The following OR2V2 variants were observed in gnomAD, a reference collection of about 807,000 sequenced individuals.
OR2V2 encodes olfactory receptor 2V2.
For missense variants in OR2V2, 392 were observed against 392.2 expected (o/e 1.00, Z 0.00); for synonymous variants, 161 against 151.3 (o/e 1.06, Z -0.47).
chr5:181,152,626 C>G (rs1419978744), intron 1 of OR2V2, among the ~76,000 whole-genome samples: 3 of 152,218 alleles, frequency 2.0e-5, no homozygotes, highest in Non-Finnish European at 2.9e-5. Flanking sequence ...CAGGGACAAC[C>G]TCGGTGATGA....
Position 181,156,039 on chromosome 5 carries a change from G to GTTCTTTTTCTTTCTTTCTTTCTTTCT in OR2V2, c.*155_*156insTTCTTTCTTTCTTTCTTTCTTTCTTT. The stretch of plus-strand genomic sequence containing the variant: ...GAAGGTCTTTTTAAACACTACATCA[G>GTTCTTTTTCTTTCTTTCTTTCTTTCT]TTCTTTCTTTCTTTCTTTCTTTCTT... On this transcript the variant is annotated 3_prime_UTR_variant, in exon 2 of 2. Coordinates refer to ENST00000641492, the MANE Select transcript of OR2V2 (RefSeq NM_206880.2). The GTTCTTTTTCTTTCTTTCTTTCTTTCT allele has an allele frequency of 2.0e-6, 1 of 493,946 alleles. No individual in the cohort carries two copies. The allele number at this position is 493,946 out of a possible 1,614,324, so 30.6% of individuals were successfully genotyped here.
chr5:181,148,904 T>C (rs1047437834), intron 1 of OR2V2, among the ~76,000 whole-genome samples: 1 of 152,132 alleles, frequency 6.6e-6, no homozygotes, highest in Non-Finnish European at 1.5e-5. Flanking sequence ...CCGAGGCCCT[T>C]GGATTGGCCT....
At chr5:181,151,813 C>G (rs1236283933) in intron 1 of OR2V2, among the ~76,000 whole-genome samples, 1 of 151,818 alleles carries the variant, frequency 6.6e-6, no homozygotes, top group African/African-American at 2.4e-5. Flanking sequence ...GTTCAAAACC[C>G]TGTCTCTATG....
rs1470861228 is a variant in OR2V2, at chr5:181,158,556, G to A, written c.*2666G>A. 2 of 152,212 alleles carry A rather than the reference G, an allele frequency of 1.3e-5. No individual in the cohort carries two copies. The highest frequency in any genetic ancestry group is 2.9e-5 in the Non-Finnish European group (2 of 68,038). The allele number at this position is 152,212 out of a possible 1,614,324, so 9.4% of individuals were successfully genotyped here. A position where few individuals can be genotyped will look rare whatever the true frequency, so the allele number is the denominator to read the frequency against. On this transcript the variant is annotated 3_prime_UTR_variant, in exon 2 of 2. Transcript: ENST00000641492. Reference sequence around the variant, plus strand: ...GCGGAAGGATTGCTTGAGCTTAGGAGGCTGAGGCTGCAATGACCCATGATC... The same window carrying A: ...GCGGAAGGATTGCTTGAGCTTAGGAAGCTGAGGCTGCAATGACCCATGATC...
intron 1 of OR2V2, among the ~76,000 whole-genome samples, chr5:181,149,656 C>T (rs765943283): frequency 1.3e-5 from 2 of 152,178 alleles, no homozygotes; most frequent in Admixed American, 6.5e-5. Context: ...CTTCCTTCCG[C>T]GGAGGACACA....
intron 1 of OR2V2, among the ~76,000 whole-genome samples, chr5:181,149,101 T>C (rs1763161884): frequency 6.6e-6 from 1 of 152,158 alleles, no homozygotes; most frequent in Non-Finnish European, 1.5e-5. Context: ...CCCAGTGCTA[T>C]GTGACAGTAG....
Position 181,155,550 on chromosome 5 carries a change from G to A in OR2V2, c.608G>A (p.Cys203Tyr), listed in dbSNP as rs1291596940. Residue 203 changes from cysteine to tyrosine, a missense_variant, in exon 2 of 2, where the codon TGC becomes TAC. Physicochemically the swap from Cys to Tyr is radical, Grantham distance 194. Transcript: ENST00000641492. ...TSLFEKVIFA[C>Y]CVFMLLFPFS... is the part of the protein sequence containing the mutation. ...CTGTTTGAGAAGGTGATATTTGCTT[G>A]CTGTGTCTTCATGCTTCTCTTCCCA... The A allele has an allele frequency of 1.2e-6, 2 of 1,614,086 alleles. No homozygotes were observed. The highest frequency in any genetic ancestry group is 4.5e-5 in the East Asian group (2 of 44,900).
chr5:181,152,007 G>C (rs1185579773), intron 1 of OR2V2, among the ~76,000 whole-genome samples: 1 of 148,634 alleles, frequency 6.7e-6, no homozygotes, highest in Non-Finnish European at 1.5e-5. Context: ...AAAAATCAAA[G>C]GCTTTGGGTT....
Position 181,148,793 on chromosome 5 carries a change from G to C in OR2V2, c.-25+798G>C, listed in dbSNP as rs146041746. ...AGGAGGAAGGATTTCAACTCTAAAT[G>C]GGTGCTGAAGGGAGGCCTTGCCAAG... On this transcript the variant is annotated intron_variant, in intron 1 of 1. Coordinates refer to ENST00000641492, the MANE Select transcript of OR2V2 (RefSeq NM_206880.2). 4.7e-4 allele frequency among the ~76,000 whole-genome samples: 71 copies of C among 152,310 alleles called. No individual in the cohort carries two copies. The East Asian group carries it at 0.012, about 26-fold the overall frequency.
At chr5:181,152,954 T>G (rs1226573831) in intron 1 of OR2V2, among the ~76,000 whole-genome samples, 1 of 152,240 alleles carries the variant, frequency 6.6e-6, no homozygotes, top group Non-Finnish European at 1.5e-5. Context: ...GTTGGAGCTA[T>G]TTGTTACAAA....
At chr5:181,154,519 G>T (rs1010891276) in intron 1 of OR2V2, among the ~76,000 whole-genome samples, 2 of 152,054 alleles carry the variant, frequency 1.3e-5, no homozygotes, top group Middle Eastern at 6.8e-3. Flanking sequence ...GAACCCTGGA[G>T]GGGGAGGTTG....
In OR2V2 at chr5:181,156,133, T is replaced by G. The variant is rs6876082; in HGVS notation, c.*243T>G. The stretch of plus-strand genomic sequence containing the variant: ...TTCTCTTTCTTTCTTTTTCTTTCAG[T>G]TCTTACTCTGTCACCCAGGCTAGAG... On this transcript the variant is annotated 3_prime_UTR_variant, in exon 2 of 2. Transcript: ENST00000641492. 0.089 allele frequency: 41,955 copies of G among 473,452 alleles called. 3,320 individuals carry two copies. Among genetic ancestry groups the G allele is most frequent in the African/African-American group, 0.29 (14,813 of 50,740 alleles). The allele number at this position is 473,452 out of a possible 1,614,324, so 29.3% of individuals were successfully genotyped here. A position where few individuals can be genotyped will look rare whatever the true frequency, so the allele number is the denominator to read the frequency against.
chr5:181,150,055 G>A (rs923804739), intron 1 of OR2V2, among the ~76,000 whole-genome samples: 2 of 152,178 alleles, frequency 1.3e-5, no homozygotes, highest in South Asian at 2.1e-4. Flanking sequence ...GTTGGGCCTC[G>A]GGCCCCTATG....
chr5:181,156,337 C>G lies in OR2V2; in HGVS notation c.*447C>G, dbSNP rs534538022. ...TTTACTATGTTGCCCAGGCTGGTCT[C>G]GAACTCCTGGACTCAAGCAATCCAC... is the stretch of plus-strand genomic sequence containing the variant. On this transcript the variant is annotated 3_prime_UTR_variant, in exon 2 of 2. Coordinates refer to ENST00000641492, the MANE Select transcript of OR2V2 (RefSeq NM_206880.2). The G allele has an allele frequency of 3.2e-5, 5 of 156,746 alleles. No homozygotes were observed. The highest frequency in any genetic ancestry group is 9.6e-5 in the African/African-American group (4 of 41,472). 9.7% of individuals were successfully genotyped at this position (156,746 alleles called of 1,614,324 possible).
In OR2V2 at chr5:181,157,845, C is replaced by T. The variant is rs924663632; in HGVS notation, c.*1955C>T. 5.3e-5 allele frequency: 8 copies of T among 152,156 alleles called. No homozygotes were observed. The highest frequency in any genetic ancestry group is 3.9e-4 in the East Asian group (2 of 5,192). The allele number at this position is 152,156 out of a possible 1,614,324, so 9.4% of individuals were successfully genotyped here. A position where few individuals can be genotyped will look rare whatever the true frequency, so the allele number is the denominator to read the frequency against. ...CTCTGGGATTTTGCACCCTTCAACCCGTAAGTACCTTGAGTGTTTCAACCA... is the reference window on the plus strand; with the variant it reads ...CTCTGGGATTTTGCACCCTTCAACCTGTAAGTACCTTGAGTGTTTCAACCA... On this transcript the variant is annotated 3_prime_UTR_variant, in exon 2 of 2. Coordinates refer to ENST00000641492, the MANE Select transcript of OR2V2 (RefSeq NM_206880.2).
intron 1 of OR2V2, among the ~76,000 whole-genome samples, chr5:181,153,168 G>A (rs1390891043): frequency 6.6e-6 from 1 of 152,230 alleles, no homozygotes; most frequent in Non-Finnish European, 1.5e-5. Context: ...AGGCTCAGCC[G>A]GGTGAGAGCG....
rs971433506 is a variant in OR2V2, at chr5:181,157,015, C to T, written c.*1125C>T. 9 of 152,364 alleles carry T rather than the reference C, an allele frequency of 5.9e-5. No homozygotes were observed. The highest frequency in any genetic ancestry group is 2.1e-4 in the South Asian group (1 of 4,828). 9.4% of individuals were successfully genotyped at this position (152,364 alleles called of 1,614,324 possible). A position where few individuals can be genotyped will look rare whatever the true frequency, so the allele number is the denominator to read the frequency against. On this transcript the variant is annotated 3_prime_UTR_variant, in exon 2 of 2. Coordinates refer to ENST00000641492, the MANE Select transcript of OR2V2 (RefSeq NM_206880.2). ...AAAACTGGCTGAACTCCTTCCCCTT[C>T]GGGGAATGAAGACTGGAGCATGGTG... is the stretch of plus-strand genomic sequence containing the variant.
rs1233644478 is a variant in OR2V2 at position 181,155,400 on chromosome 5, G to A, written c.458G>A (p.Gly153Glu). ...LQITGSSWAF[G>E]IIDGLIQMVV... ...ATTACTGGGAGCTCCTGGGCCTTTG[G>A]GATAATCGATGGCTTGATCCAGATG... Residue 153 changes from glycine (G) to glutamate (E), a missense_variant, in exon 2 of 2, where the codon GGG becomes GAG. Physicochemically the swap from Gly to Glu is moderately conservative, Grantham distance 98. Coordinates refer to ENST00000641492, the MANE Select transcript of OR2V2 (RefSeq NM_206880.2). The A allele has an allele frequency of 6.2e-7, 1 of 1,614,160 alleles. No homozygotes were observed. Among genetic ancestry groups the A allele is most frequent in the Admixed American group, 1.7e-5 (1 of 60,020 alleles).
At chr5:181,154,316 G>A (rs376284198) in intron 1 of OR2V2, among the ~76,000 whole-genome samples, 9 of 152,134 alleles carry the variant, frequency 5.9e-5, no homozygotes, top group East Asian at 3.9e-4. Flanking sequence ...TCGGCCGGGC[G>A]CGGTGGCTCA....
Sources: gnomAD v4.1 joint callset for allele counts (sites outside exome capture counted in the v4.1 genomes callset) on GRCh38, gnomAD v4.1.1 for gene constraint, MANE v1.5 for transcripts, NCBI Gene and HGNC (gene_info 2026-07-23, HGNC 2026-07-21) for gene names.